ROR2: variants seen among roughly 807,000 people sequenced by gnomAD.
ROR2 encodes the protein tyrosine-protein kinase transmembrane receptor ROR2.
A neutral mutation model predicts 74.9 loss-of-function variants in ROR2; 33 were observed. The observed-to-expected ratio is 0.44, with a 90% CI of 0.33 to 0.59. The LOEUF is 0.59. ROR2 is among the 20% of genes least tolerant of loss of function. ROR2 has a pLI of 0.02. For missense variants in ROR2, 1,216 were observed against 1,313.8 expected, an observed-to-expected ratio of 0.93 and a Z score of 1.15; for synonymous variants, 586 against 558.7, an observed-to-expected ratio of 1.05 and a Z score of -0.69.
chr9:91,761,428 G>A (rs1825912131), intron 2 of ROR2, among the ~76,000 whole-genome samples: 1 of 152,184 alleles, frequency 6.6e-6, no homozygotes, highest in Admixed American at 6.5e-5. Flanking sequence ...CCGTCTGGGA[G>A]TGACAGGAGA....
chr9:91,793,736 C>G (rs1336282994), intron 1 of ROR2, among the ~76,000 whole-genome samples: 3 of 146,920 alleles, frequency 2.0e-5, no homozygotes, highest in Non-Finnish European at 3.0e-5. Flanking sequence ...CACTCCAGCC[C>G]GGGCGACAGT....
At chr9:91,829,569 A>T (rs559674438) in intron 1 of ROR2, among the ~76,000 whole-genome samples, 83 of 151,118 alleles carry the variant, frequency 5.5e-4, no homozygotes, top group African/African-American at 1.8e-3. Context: ...AAAAAAAAAA[A>T]AAAAGCACAC....
chr9:91,879,247 T>C (rs972788208), intron 1 of ROR2, among the ~76,000 whole-genome samples: 6 of 152,132 alleles, frequency 3.9e-5, no homozygotes, highest in African/African-American at 1.4e-4. Flanking sequence ...ACCAAGGGCC[T>C]GGCCCAGGAA....
intron 1 of ROR2, among the ~76,000 whole-genome samples, chr9:91,793,503 G>C (rs1434163259): frequency 6.6e-6 from 1 of 151,932 alleles, no homozygotes; most frequent in Middle Eastern, 3.2e-3. Flanking sequence ...AAAGACTATA[G>C]AAAACCAAAA....
intron 1 of ROR2, among the ~76,000 whole-genome samples, chr9:91,847,244 G>A (rs1206985981): frequency 6.6e-6 from 1 of 152,176 alleles, no homozygotes; most frequent in Non-Finnish European, 1.5e-5. Flanking sequence ...GAACCAGAAA[G>A]ACGGGAGAAG....
chr9:91,847,480 G>T (rs889215270), intron 1 of ROR2, among the ~76,000 whole-genome samples: 1 of 152,130 alleles, frequency 6.6e-6, no homozygotes. Flanking sequence ...CCCCCAGAAA[G>T]GGCTCCCTAA....
chr9:91,753,746 T>C (rs117547805), intron 4 of ROR2, among the ~76,000 whole-genome samples: 12 of 152,124 alleles, frequency 7.9e-5, no homozygotes, highest in Admixed American at 1.3e-4. Context: ...TCAAATACAC[T>C]GAGATGGAAA....
At chr9:91,835,875 A>G (rs530994119) in intron 1 of ROR2, among the ~76,000 whole-genome samples, 4 of 152,266 alleles carry the variant, frequency 2.6e-5, no homozygotes, top group African/African-American at 4.8e-5. Flanking sequence ...TCTCCTCCAC[A>G]TGTCCGCCTT....
intron 1 of ROR2, among the ~76,000 whole-genome samples, chr9:91,832,897 A>G (rs998075987): frequency 6.6e-6 from 1 of 152,146 alleles, no homozygotes; most frequent in African/African-American, 2.4e-5. Context: ...CCCAAACCTC[A>G]GTGGAGGGGA....
intron 1 of ROR2, among the ~76,000 whole-genome samples, chr9:91,837,950 G>A (rs975964289): frequency 3.3e-5 from 5 of 151,946 alleles, no homozygotes; most frequent in Non-Finnish European, 5.9e-5. Context: ...TTTCATTGTC[G>A]AACTGCCACT....
chr9:91,857,636 G>C (rs1013210332), intron 1 of ROR2, among the ~76,000 whole-genome samples: 1 of 152,098 alleles, frequency 6.6e-6, no homozygotes, highest in Non-Finnish European at 1.5e-5. Flanking sequence ...GACCCAGGAC[G>C]AGGGGGTGGC....
intron 4 of ROR2, among the ~76,000 whole-genome samples, chr9:91,742,432 C>A (rs2118762354): frequency 6.6e-6 from 1 of 152,216 alleles, no homozygotes; most frequent in Middle Eastern, 3.4e-3. Context: ...ATGTGGAAAA[C>A]ACAGAAGAAG....
chr9:91,933,511 A>G (rs1240988530), intron 1 of ROR2, among the ~76,000 whole-genome samples: 1 of 152,244 alleles, frequency 6.6e-6, no homozygotes, highest in Non-Finnish European at 1.5e-5. Flanking sequence ...TGTTTTAATG[A>G]CAGATACTAC....
intron 2 of ROR2, among the ~76,000 whole-genome samples, chr9:91,769,015 G>C (rs1188617752): frequency 6.6e-6 from 1 of 152,208 alleles, no homozygotes; most frequent in Non-Finnish European, 1.5e-5. Context: ...ATGGATGTTA[G>C]AAAACGTCTT....
At chr9:91,835,530 G>A (rs7870902) in intron 1 of ROR2, among the ~76,000 whole-genome samples, 40,798 of 151,840 alleles carry the variant, frequency 0.27, 5,858 homozygotes, top group Admixed American at 0.44. Flanking sequence ...CTCTCTCCAC[G>A]GCCCTGCTGC....
chr9:91,894,372 G>T (rs764457818), intron 1 of ROR2, among the ~76,000 whole-genome samples: 1 of 152,152 alleles, frequency 6.6e-6, no homozygotes, highest in Non-Finnish European at 1.5e-5. Flanking sequence ...ACGGATTTTA[G>T]ATTACCATTG....
chr9:91,833,453 A>T (rs1828526569), intron 1 of ROR2, among the ~76,000 whole-genome samples: 1 of 152,120 alleles, frequency 6.6e-6, no homozygotes. Context: ...CAGGCGCTCA[A>T]GTCAAATCTC....
chr9:91,830,612 C>T (rs1316011557), intron 1 of ROR2, among the ~76,000 whole-genome samples: 11 of 152,148 alleles, frequency 7.2e-5, no homozygotes, highest in Admixed American at 7.2e-4. Context: ...CCAGCCTCCC[C>T]AAACTGGGTA....
At position 91,731,068 on chromosome 9, in the gene ROR2, A is replaced by T. The variant is rs1404430738; in HGVS notation, c.1025T>A (p.Leu342Gln). 8.7e-6 allele frequency: 14 copies of T among 1,613,922 alleles called. No individual in the cohort carries two copies. The highest frequency in any genetic ancestry group is 1.2e-5 in the Non-Finnish European group (14 of 1,180,012). Residue 342 changes from leucine (L) to glutamine (Q), a missense_variant, in exon 7 of 9, where the codon CTG (leucine) becomes CAG (glutamine). By Grantham distance (113) the Leu-to-Gln change is moderately radical. Transcript: ENST00000375708. ...CAGGTGGTGGCTGTGGGGGTGCTGC[A>T]GGGCCCACGGCTGGCACTGGTGGCC... ...KSGHQCQPWA[L>Q]QHPHSHHLSS...
Sources: gnomAD v4.1 joint callset for allele counts (sites outside exome capture counted in the v4.1 genomes callset) on GRCh38, gnomAD v4.1.1 for gene constraint, MANE v1.5 for transcripts, NCBI Gene and HGNC (gene_info 2026-07-23, HGNC 2026-07-21) for gene names.